TMC1: variants seen among roughly 807,000 people sequenced by gnomAD.
TMC1 encodes the protein transmembrane channel-like protein 1.
TMC1 carries 84 observed loss-of-function variants against 105.8 expected under a neutral mutation model. The observed-to-expected ratio is 0.79, with a 90% CI of 0.67 to 0.95. TMC1 has a LOEUF of 0.95. Ranked by LOEUF, TMC1 falls within the 40% of genes least tolerant of loss-of-function variation. The probability of loss-of-function intolerance (pLI) is 0.00; values close to 1 mark genes in which losing one functional copy is unlikely to be tolerated. For synonymous variants in TMC1, 315 were observed against 311.5 expected, an observed-to-expected ratio of 1.01 and a Z score of -0.12; for missense variants, 817 against 914.1, an observed-to-expected ratio of 0.89 and a Z score of 1.37.
intron 3 of TMC1, among the ~76,000 whole-genome samples, chr9:72,618,980 A>G (rs1825193070): frequency 6.6e-6 from 1 of 152,320 alleles, no homozygotes; most frequent in East Asian, 1.9e-4. Flanking sequence ...AAACAGCCCT[A>G]GTGCCCAGAT....
rs184916456 is a variant in TMC1 at position 72,539,994 on chromosome 9, C to T, written c.-428+18081C>T. 1.8e-3 allele frequency among the ~76,000 whole-genome samples: 270 copies of T among 152,122 alleles called. 1 individual carries two copies. Among genetic ancestry groups the T allele is most frequent in the African/African-American group, 6.1e-3 (255 of 41,474 alleles). On this transcript the variant is annotated intron_variant, in intron 1 of 23. Transcript: ENST00000297784. ...GCCTCCATGTGCAGAGATCACATGG[C>T]GAGAGAGGAAGAGCGTGAGAGGAGG...
intron 12 of TMC1, among the ~76,000 whole-genome samples, chr9:72,757,142 C>T (rs1175867029): frequency 1.3e-5 from 2 of 152,188 alleles, no homozygotes; most frequent in Non-Finnish European, 2.9e-5. Context: ...AGCCATTACA[C>T]TGATTTTATT....
At chr9:72,638,959 T>C (rs1825580048) in intron 4 of TMC1, among the ~76,000 whole-genome samples, 1 of 152,356 alleles carries the variant, frequency 6.6e-6, no homozygotes, top group East Asian at 1.9e-4. Context: ...TTCTGAAAAC[T>C]ATTTCTTTAC....
chr9:72,789,261 T>A lies in TMC1; in HGVS notation c.1168T>A (p.Ser390Thr). The change falls in exon 15 of 24, where the codon TCC becomes ACC. Residue 390 changes from serine to threonine, a missense_variant. By Grantham distance (58) the Ser-to-Thr change is moderately conservative. Transcript: ENST00000297784. ...GYLIFWAVKRSQEFAQQDPDT... is the reference protein window; with the variant it reads ...GYLIFWAVKRTQEFAQQDPDT... ...CCTCATCTTTTGGGCTGTGAAGCGA[T>A]CCCAGGAATTTGCACAGCAAGATCC... The A allele has an allele frequency of 2.5e-6, 4 of 1,614,090 alleles. No individual in the cohort carries two copies. The highest frequency in any genetic ancestry group is 3.4e-6 in the Non-Finnish European group (4 of 1,179,944).
intron 5 of TMC1, among the ~76,000 whole-genome samples, chr9:72,677,825 G>C (rs74815228): frequency 0.046 from 6,967 of 152,156 alleles, 324 homozygotes; most frequent in African/African-American, 0.12. Context: ...GATTGATCAA[G>C]TAACCATTGA....
chr9:72,726,831 C>T (rs1444824), intron 8 of TMC1, among the ~76,000 whole-genome samples: 34,626 of 152,068 alleles, frequency 0.23, 4,270 homozygotes, highest in East Asian at 0.38. Context: ...TGCTTAGAAA[C>T]ATTTAGAAGA....
chr9:72,761,725 G>A (rs1037214454), intron 12 of TMC1, among the ~76,000 whole-genome samples: 1 of 152,132 alleles, frequency 6.6e-6, no homozygotes, highest in African/African-American at 2.4e-5. Flanking sequence ...TAATAAAAAG[G>A]AGATAAGTTC....
At chr9:72,584,784 C>CTTTTTTTTTTTTTTTTTTTTTTTTTTTT (rs71357591) in intron 2 of TMC1, among the ~76,000 whole-genome samples, 1 of 113,008 alleles carries the variant, frequency 8.8e-6, no homozygotes. Flanking sequence ...CTTTTCTTTT[C>CTTTTTTTTTTTTTTTTTTTTTTTTTTTT]TTTTTTTTTT....
intron 1 of TMC1, among the ~76,000 whole-genome samples, chr9:72,566,006 A>T (rs1053181059): frequency 6.6e-6 from 1 of 152,114 alleles, no homozygotes; most frequent in Non-Finnish European, 1.5e-5. Flanking sequence ...AAATTTTTTC[A>T]CTAGTGACTG....
intron 1 of TMC1, among the ~76,000 whole-genome samples, chr9:72,567,051 C>G (rs1038695962): frequency 2.6e-5 from 4 of 152,162 alleles, no homozygotes; most frequent in Non-Finnish European, 4.4e-5. Context: ...TATAATTTTT[C>G]TGCTTATGTC....
chr9:72,527,372 C>T (rs1017745648), intron 1 of TMC1, among the ~76,000 whole-genome samples: 2 of 152,124 alleles, frequency 1.3e-5, no homozygotes, highest in South Asian at 4.1e-4. Flanking sequence ...GGATTCTACC[C>T]GCCTCCCCGC....
rs1384930649 is a variant in TMC1 at position 72,655,761 on chromosome 9, A to G, written c.16+7097A>G. Reference sequence around the variant, plus strand: ...CGTATCAAAAAAAAAAAATCATTCAAAAGATTACTGATGCTTGTTTCATTT... The same window carrying G: ...CGTATCAAAAAAAAAAAATCATTCAGAAGATTACTGATGCTTGTTTCATTT... On this transcript the variant is annotated intron_variant, in intron 5 of 23. Transcript: ENST00000297784. 1.1e-5 allele frequency: 6 copies of G among 533,614 alleles called. No homozygotes were observed. The Admixed American group carries it at 1.8e-4, about 16-fold the overall frequency. The allele number at this position is 533,614 out of a possible 1,614,324, so 33.1% of individuals were successfully genotyped here. A position where few individuals can be genotyped will look rare whatever the true frequency, so the allele number is the denominator to read the frequency against.
intron 5 of TMC1, among the ~76,000 whole-genome samples, chr9:72,657,136 T>C (rs1266532009): frequency 2.6e-5 from 4 of 152,208 alleles, no homozygotes; most frequent in African/African-American, 7.2e-5. Flanking sequence ...GTTTCTGTTA[T>C]TCTATCCCAC....
chr9:72,580,249 T>C (rs1824453375), intron 2 of TMC1, among the ~76,000 whole-genome samples: 1 of 152,234 alleles, frequency 6.6e-6, no homozygotes, highest in Non-Finnish European at 1.5e-5. Flanking sequence ...AACTATATCT[T>C]TTCCTACTAT....
intron 2 of TMC1, among the ~76,000 whole-genome samples, chr9:72,614,342 A>C (rs1206740837): frequency 6.6e-6 from 1 of 152,180 alleles, no homozygotes; most frequent in East Asian, 1.9e-4. Flanking sequence ...ATTAAGTTTA[A>C]AGGTCCATAA....
intron 14 of TMC1, 107 bp from the exon 15 acceptor site, chr9:72,789,016 C>A: frequency 9.0e-7 from 1 of 1,109,232 alleles, no homozygotes; most frequent in Non-Finnish European, 1.3e-6. Flanking sequence ...TCATTCCTCA[C>A]ATTCTGATGA....
intron 7 of TMC1, 120 bp downstream of exon 7, chr9:72,694,834 G>T: frequency 1.1e-6 from 1 of 890,594 alleles, no homozygotes. Context: ...GCCTTAATCT[G>T]ATGATGCTAT....
Position 72,556,625 on chromosome 9 carries a change from C to T in TMC1, c.-427-21277C>T, listed in dbSNP as rs867386817. 4.0e-5 allele frequency among the ~76,000 whole-genome samples: 6 copies of T among 151,328 alleles called. No individual in the cohort carries two copies. The Middle Eastern group carries it at 0.014, about 345-fold the overall frequency. On this transcript the variant is annotated intron_variant, in intron 1 of 23. Transcript: ENST00000297784. ...CTTGAGATCAGGAGTTTGAAACCAG[C>T]ATGGCCAACATCGTGAAACCCCATT...
At chr9:72,669,331 T>A (rs1826092521) in intron 5 of TMC1, among the ~76,000 whole-genome samples, 1 of 152,082 alleles carries the variant, frequency 6.6e-6, no homozygotes, top group South Asian at 2.1e-4. Context: ...TGTACTATAA[T>A]AATTTACAAA....
Sources: gnomAD v4.1 joint callset for allele counts (sites outside exome capture counted in the v4.1 genomes callset) on GRCh38, gnomAD v4.1.1 for gene constraint, MANE v1.5 for transcripts, NCBI Gene and HGNC (gene_info 2026-07-23, HGNC 2026-07-21) for gene names.